The following KRABD5 variants were observed in gnomAD, a reference collection of about 807,000 sequenced individuals.
KRABD5 encodes the protein KRAB domain-containing protein 5.
the KRABD5 span, among the ~76,000 whole-genome samples, chr16:31,722,389 T>C: frequency 3.9e-5 from 6 of 152,156 alleles, no homozygotes; most frequent in African/African-American, 1.4e-4. Context: ...TTTTATACTT[T>C]ATATTCCATA....
the KRABD5 span, among the ~76,000 whole-genome samples, chr16:31,740,093 C>T: frequency 2.6e-5 from 4 of 152,224 alleles, no homozygotes; most frequent in East Asian, 3.9e-4. Context: ...AATCTCTGTT[C>T]GGGGGCTCTT....
At chr16:31,718,411 CAT>C in the KRABD5 span, among the ~76,000 whole-genome samples, 1 of 152,180 alleles carries the variant, frequency 6.6e-6, no homozygotes, top group Non-Finnish European at 1.5e-5. Flanking sequence ...GAGAGATTGA[CAT>C]AGACCTTGTA....
chr16:31,747,820 C>T, the KRABD5 span, among the ~76,000 whole-genome samples: 1 of 152,154 alleles, frequency 6.6e-6, no homozygotes, highest in Non-Finnish European at 1.5e-5. Flanking sequence ...GTCCTTTGCC[C>T]ACTTTTTGAT....
chr16:31,723,310 G>A, the KRABD5 span: 1 of 1,614,022 alleles, frequency 6.2e-7, no homozygotes, highest in African/African-American at 1.3e-5. Context: ...AAAGGAAAGA[G>A]CCCTGGAATG....
chr16:31,741,814 T>C, the KRABD5 span, among the ~76,000 whole-genome samples: 1 of 152,170 alleles, frequency 6.6e-6, no homozygotes, highest in Non-Finnish European at 1.5e-5. Flanking sequence ...CATTTGTCAA[T>C]TTTTGTTTTT....
At chr16:31,713,279 A>C in the KRABD5 span, 2 of 1,025,702 alleles carry the variant, frequency 1.9e-6, no homozygotes, top group Non-Finnish European at 2.9e-6. Flanking sequence ...CTGCAGTAAG[A>C]GCTCAGTCTC....
chr16:31,733,592 A>G, the KRABD5 span: 3 of 456,274 alleles, frequency 6.6e-6, no homozygotes, highest in East Asian at 2.1e-4. Context: ...ATTCTGCCTA[A>G]TGTTTCTATG....
the KRABD5 span, among the ~76,000 whole-genome samples, chr16:31,717,350 A>T: frequency 6.6e-6 from 1 of 152,110 alleles, no homozygotes; most frequent in Admixed American, 6.5e-5. Flanking sequence ...ATTGATTTGA[A>T]CTATAGGTAG....
chr16:31,729,785 CTTT>C, the KRABD5 span, among the ~76,000 whole-genome samples: 11 of 151,382 alleles, frequency 7.3e-5, no homozygotes, highest in African/African-American at 2.4e-4. Context: ...TGATTACTTT[CTTT>C]TTTTCTTGTA....
At chr16:31,736,517 C>CTTTTTTT in the KRABD5 span, among the ~76,000 whole-genome samples, 1 of 128,504 alleles carries the variant, frequency 7.8e-6, no homozygotes, top group African/African-American at 2.9e-5. Flanking sequence ...TAATAATATT[C>CTTTTTTT]TTTTTTTTTT....
chr16:31,742,291 G>A, the KRABD5 span, among the ~76,000 whole-genome samples: 1 of 151,014 alleles, frequency 6.6e-6, no homozygotes, highest in Non-Finnish European at 1.5e-5. Context: ...TTGACCCATT[G>A]TCTATGTTCC....
chr16:31,731,792 G>T, the KRABD5 span, among the ~76,000 whole-genome samples: 1 of 152,204 alleles, frequency 6.6e-6, no homozygotes, highest in African/African-American at 2.4e-5. Context: ...CTGACCTGTG[G>T]CTGCATGAAA....
the KRABD5 span, among the ~76,000 whole-genome samples, chr16:31,735,141 T>C: frequency 6.6e-6 from 1 of 152,092 alleles, no homozygotes; most frequent in Non-Finnish European, 1.5e-5. Flanking sequence ...TTCAGGTTAC[T>C]CATTTGAGTA....
chr16:31,723,793 T>G, the KRABD5 span, among the ~76,000 whole-genome samples: 1 of 152,202 alleles, frequency 6.6e-6, no homozygotes, highest in Non-Finnish European at 1.5e-5. Flanking sequence ...TGTGGATAGA[T>G]GTCACATATT....
At chr16:31,723,020 A>T in the KRABD5 span, among the ~76,000 whole-genome samples, 1 of 152,236 alleles carries the variant, frequency 6.6e-6, no homozygotes, top group African/African-American at 2.4e-5. Context: ...ATCATTGCCC[A>T]CACTTTAAAA....
the KRABD5 span, among the ~76,000 whole-genome samples, chr16:31,731,806 A>G: frequency 0.8 from 122,040 of 152,180 alleles, 49,571 homozygotes; most frequent in African/African-American, 0.92. Context: ...CATGAAACTG[A>G]AGCAAAGTTT....
the KRABD5 span, among the ~76,000 whole-genome samples, chr16:31,731,462 G>A: frequency 6.6e-6 from 1 of 152,206 alleles, no homozygotes; most frequent in Non-Finnish European, 1.5e-5. Context: ...GTGGACAGGT[G>A]TGGCTCCTGC....
chr16:31,759,575 G>T, the KRABD5 span: 5 of 687,374 alleles, frequency 7.3e-6, no homozygotes, highest in African/African-American at 3.5e-5. Context: ...TTAAATGGGT[G>T]GGGGTAGGGA....
the KRABD5 span, among the ~76,000 whole-genome samples, chr16:31,718,830 C>T: frequency 6.6e-6 from 1 of 152,226 alleles, no homozygotes; most frequent in Non-Finnish European, 1.5e-5. Context: ...TCACCAGCAC[C>T]TTGGAGTCCT....
Sources: allele counts gnomAD v4.1 joint callset (sites outside exome capture counted in the v4.1 genomes callset), GRCh38; gene constraint gnomAD v4.1.1; transcripts MANE v1.5; gene names NCBI Gene and HGNC (gene_info 2026-07-23, HGNC 2026-07-21).